The following SLC30A5 variants were observed in gnomAD, a reference collection of about 807,000 sequenced individuals.
The protein encoded by SLC30A5 is proton-coupled zinc antiporter SLC30A5.
SLC30A5 carries 33 observed loss-of-function variants against 79.6 expected under a neutral mutation model. The observed-to-expected ratio is 0.41, with a 90% CI of 0.31 to 0.55. The LOEUF is 0.55. SLC30A5 is among the 20% of genes least tolerant of loss of function. The pLI is 0.20. For synonymous variants in SLC30A5, 299 were observed against 319.7 expected (o/e 0.94, Z 0.69); for missense variants, 788 against 928.1 (o/e 0.85, Z 1.96).
intron 14 of SLC30A5, among the ~76,000 whole-genome samples, 167 bp from the exon 15 acceptor site, chr5:69,127,837 C>G (rs992450573): frequency 5.3e-5 from 8 of 151,972 alleles, no homozygotes; most frequent in Non-Finnish European, 1.0e-4. Context: ...CTGCTTCTGG[C>G]TTCTCATTAT....
chr5:69,104,708 A>G lies in SLC30A5; in HGVS notation c.351A>G (p.Gly117=). Residue 117 remains glycine (G), a synonymous_variant, in exon 4 of 16, where the codon GGA becomes GGG. Transcript: ENST00000396591. ...LLWFFGLTLC[G]PLRTLLLFEH... Reference sequence around the variant, plus strand: ...GGTTTTTTGGCCTCACTCTTTGTGGACCACTAAGGTAAATAAAAATGCATA... The same window carrying G: ...GGTTTTTTGGCCTCACTCTTTGTGGGCCACTAAGGTAAATAAAAATGCATA... 2 of 1,597,100 alleles carry G rather than the reference A, an allele frequency of 1.3e-6. No individual in the cohort carries two copies. Among genetic ancestry groups the G allele is most frequent in the Admixed American group, 1.8e-5 (1 of 55,524 alleles).
chr5:69,107,662 C>T (rs910282774), intron 4 of SLC30A5, among the ~76,000 whole-genome samples: 2 of 151,982 alleles, frequency 1.3e-5, no homozygotes, highest in African/African-American at 4.8e-5. Flanking sequence ...CTTATGGCAC[C>T]ACCATCGTAT....
At chr5:69,103,772 A>G (rs915002387) in intron 3 of SLC30A5, among the ~76,000 whole-genome samples, 1 of 152,202 alleles carries the variant, frequency 6.6e-6, no homozygotes, top group African/African-American at 2.4e-5. Flanking sequence ...TAATCATCTC[A>G]CATCGTCACT....
chr5:69,102,971 A>T lies in SLC30A5; in HGVS notation c.207-91A>T, dbSNP rs994582730. ...AGAGGATAACACTTCAAGTTCTGGC[A>T]TATTTGTTTAAAATAAGTGTCTTTA... On this transcript the variant is annotated intron_variant, in intron 2 of 15. Coordinates refer to ENST00000396591, the MANE Select transcript of SLC30A5 (RefSeq NM_022902.5). 3.4e-5 allele frequency: 20 copies of T among 593,468 alleles called. No individual in the cohort carries two copies. The East Asian group carries it at 6.3e-4, about 19-fold the overall frequency. The allele number at this position is 593,468 out of a possible 1,614,324, so 36.8% of individuals were successfully genotyped here.
At chr5:69,115,542 C>T in intron 8 of SLC30A5, 135 bp downstream of exon 8, 6 of 721,162 alleles carry the variant, frequency 8.3e-6, no homozygotes, top group South Asian at 5.5e-5. Context: ...TTTGCTTTTT[C>T]TTTGTAGTTT....
rs142663787 is a variant in SLC30A5, at chr5:69,116,127, C to T, written c.985C>T (p.Arg329Trp). 1,203 of 1,614,116 alleles carry T rather than the reference C, an allele frequency of 7.5e-4. 11 individuals are homozygous for T. In the East Asian group the frequency reaches 0.019, roughly 26 times the overall value. The part of the protein sequence containing the change: ...FWTHPITDQL[R>W]AMNKAAHQES... The stretch of plus-strand genomic sequence containing the variant: ...GACACATCCAATAACAGACCAGCTT[C>T]GGGCTATGAACAAAGCAGCACACCA... Residue 329 changes from arginine to tryptophan, a missense_variant, in exon 9 of 16, where the codon CGG becomes TGG. Coordinates refer to ENST00000396591, the MANE Select transcript of SLC30A5 (RefSeq NM_022902.5). The surrounding 1 kb of genome is among the most constrained non-coding windows in gnomAD (Gnocchi z 4.0).
chr5:69,128,167 G>T, intron 15 of SLC30A5, 35 bp downstream of exon 15: 1 of 1,565,862 alleles, frequency 6.4e-7, no homozygotes. Flanking sequence ...TTTAATTGAG[G>T]TCATTCATAC....
At chr5:69,125,979 G>A (rs982016146) in intron 14 of SLC30A5, among the ~76,000 whole-genome samples, 22 of 151,868 alleles carry the variant, frequency 1.4e-4, no homozygotes, top group African/African-American at 5.3e-4. Flanking sequence ...AACCCAGGAG[G>A]CAGAGGTTGC....
intron 6 of SLC30A5, 40 bp downstream of exon 6, chr5:69,113,267 A>C (rs164393): frequency 0.64 from 959,872 of 1,506,008 alleles, 307,898 homozygotes; most frequent in East Asian, 0.87. Context: ...TCAAGTCTTG[A>C]GGAAAACTAG....
chr5:69,122,279 C>T (rs1385779412), intron 13 of SLC30A5, among the ~76,000 whole-genome samples: 1 of 152,098 alleles, frequency 6.6e-6, no homozygotes, highest in African/African-American at 2.4e-5. Flanking sequence ...TGCTTGTAAT[C>T]CCAGCTACTC....
At chr5:69,096,991 A>C (rs1484248764) in intron 1 of SLC30A5, among the ~76,000 whole-genome samples, 1 of 151,666 alleles carries the variant, frequency 6.6e-6, no homozygotes, top group East Asian at 1.9e-4. Flanking sequence ...ACCCCAAAAA[A>C]ACCCCCACAA....
intron 2 of SLC30A5, among the ~76,000 whole-genome samples, chr5:69,102,296 C>T (rs1247292448): frequency 1.3e-5 from 2 of 151,430 alleles, no homozygotes; most frequent in African/African-American, 2.4e-5. Flanking sequence ...TCAGGTGATC[C>T]GCCCACCTCG....
chr5:69,117,502 T>G (rs1746403952), intron 11 of SLC30A5, 106 bp downstream of exon 11: 1 of 1,014,998 alleles, frequency 9.9e-7, no homozygotes, highest in Non-Finnish European at 1.4e-6. Context: ...TTTCCAAATC[T>G]TCATTTTTAA....
chr5:69,109,604 G>A (rs1274656004), intron 5 of SLC30A5, among the ~76,000 whole-genome samples: 1 of 151,894 alleles, frequency 6.6e-6, no homozygotes, highest in Non-Finnish European at 1.5e-5. Context: ...TCTTAACCCT[G>A]TAAATCATTT....
intron 5 of SLC30A5, 47 bp from the exon 6 acceptor site, chr5:69,113,093 T>C (rs1746275128): frequency 6.7e-7 from 1 of 1,487,318 alleles, no homozygotes; most frequent in Non-Finnish European, 9.3e-7. Context: ...GTCTTAAAAA[T>C]CAACCCTTGA....
Position 69,094,169 on chromosome 5 carries a change from C to A in SLC30A5, c.-87C>A, listed in dbSNP as rs1745646985. The A allele has an allele frequency of 1.5e-6, 1 of 688,700 alleles. No individual in the cohort carries two copies. Among genetic ancestry groups the A allele is most frequent in the Non-Finnish European group, 2.1e-6 (1 of 479,156 alleles). 42.7% of individuals were successfully genotyped at this position (688,700 alleles called of 1,614,324 possible). A position where few individuals can be genotyped will look rare whatever the true frequency, so the allele number is the denominator to read the frequency against. ...CGGGGTCTCTGCCATGGGGGAGTGA[C>A]GCGCCTGCACCCGCTGTTCCGCGGC... On this transcript the variant is annotated 5_prime_UTR_variant, in exon 1 of 16. Coordinates refer to ENST00000396591, the MANE Select transcript of SLC30A5 (RefSeq NM_022902.5).
chr5:69,129,665 ACT>A lies in SLC30A5; in HGVS notation c.*50_*51del. 6.6e-7 allele frequency: 1 copy of A among 1,516,492 alleles called. No homozygotes were observed. Among genetic ancestry groups the A allele is most frequent in the Non-Finnish European group, 8.9e-7 (1 of 1,120,886 alleles). 93.9% of individuals were successfully genotyped at this position (1,516,492 alleles called of 1,614,324 possible). A position where few individuals can be genotyped will look rare whatever the true frequency, so the allele number is the denominator to read the frequency against. Reference sequence around the variant, plus strand: ...GAGAATAAACAATGAAGATTAAATGACTCAGTATTTGTAATATTGCCAGAAGG... The same window carrying A: ...GAGAATAAACAATGAAGATTAAATGACAGTATTTGTAATATTGCCAGAAGG... On this transcript the variant is annotated 3_prime_UTR_variant, in exon 16 of 16. Coordinates refer to ENST00000396591, the MANE Select transcript of SLC30A5 (RefSeq NM_022902.5).
rs368572394 is a variant in SLC30A5, at chr5:69,124,234, A to C, written c.1998+809A>C. On this transcript the variant is annotated intron_variant, in intron 14 of 15. Coordinates refer to ENST00000396591, the MANE Select transcript of SLC30A5 (RefSeq NM_022902.5). Reference sequence around the variant, plus strand: ...CTGGGATTGTTTCCTGGACAGCACAAAAAAAAAAATAGTAACAATAATAAT... The same window carrying C: ...CTGGGATTGTTTCCTGGACAGCACACAAAAAAAAATAGTAACAATAATAAT... 1.3e-4 allele frequency among the ~76,000 whole-genome samples: 19 copies of C among 147,054 alleles called. No homozygotes were observed. In the East Asian group the frequency reaches 3.3e-3, roughly 25 times the overall value.
chr5:69,122,388 T>G (rs1270153977), intron 13 of SLC30A5, among the ~76,000 whole-genome samples: 1 of 152,090 alleles, frequency 6.6e-6, no homozygotes, highest in Non-Finnish European at 1.5e-5. Flanking sequence ...GAACAGTGGC[T>G]CACATCTGTA....
Sources: allele counts gnomAD v4.1 joint callset (sites outside exome capture counted in the v4.1 genomes callset), GRCh38; gene constraint gnomAD v4.1.1; non-coding constraint Gnocchi (gnomAD v3.1); transcripts MANE v1.5; gene names NCBI Gene and HGNC (gene_info 2026-07-23, HGNC 2026-07-21).